KIF16B: variants seen among roughly 807,000 people sequenced by gnomAD.
KIF16B encodes the protein kinesin family member 16B, also known as kinesin-like protein KIF16B.
A neutral mutation model predicts 156.3 loss-of-function variants in KIF16B; 98 were observed. The observed-to-expected ratio is 0.63, with a 90% CI of 0.53 to 0.74. The LOEUF (loss-of-function observed/expected upper bound fraction) is 0.74. Ranked by LOEUF, KIF16B falls within the 30% of genes least tolerant of loss-of-function variation. KIF16B has a pLI of 0.00. For missense variants in KIF16B, 1,421 were observed against 1,606.5 expected, an observed-to-expected ratio of 0.88 and a Z score of 1.97; for synonymous variants, 564 against 583.7, an observed-to-expected ratio of 0.97 and a Z score of 0.49.
chr20:16,405,967 G>A (rs1485283091), intron 16 of KIF16B, among the ~76,000 whole-genome samples: 1 of 151,958 alleles, frequency 6.6e-6, no homozygotes, highest in African/African-American at 2.4e-5. Flanking sequence ...ACCCACCCCT[G>A]CTCTCGCTTC....
intron 1 of KIF16B, among the ~76,000 whole-genome samples, chr20:16,551,132 C>CTTT (rs11474777): frequency 0.014 from 1,978 of 139,092 alleles, 53 homozygotes; most frequent in African/African-American, 0.043. Context: ...GCTTTCTCTT[C>CTTT]TTTTTTTTTT....
intron 11 of KIF16B, among the ~76,000 whole-genome samples, chr20:16,497,406 A>C (rs1246546522): frequency 1.3e-5 from 2 of 152,238 alleles, no homozygotes; most frequent in Admixed American, 1.3e-4. Flanking sequence ...TGTGCCAGAC[A>C]AATCCCGTTT....
intron 22 of KIF16B, chr20:16,368,119 GA>G: frequency 1.6e-6 from 2 of 1,233,424 alleles, no homozygotes; most frequent in Non-Finnish European, 2.0e-6. Context: ...TTCTGGTAGA[GA>G]ACAAGTCACA....
At chr20:16,324,866 C>T (rs2063820932) in intron 24 of KIF16B, among the ~76,000 whole-genome samples, 1 of 151,914 alleles carries the variant, frequency 6.6e-6, no homozygotes, top group Non-Finnish European at 1.5e-5. Context: ...AACTACAGGC[C>T]AATATCCCTG....
intron 22 of KIF16B, among the ~76,000 whole-genome samples, chr20:16,357,957 AG>A (rs2064476728): frequency 6.6e-6 from 1 of 152,218 alleles, no homozygotes; most frequent in African/African-American, 2.4e-5. Flanking sequence ...TGGGAGGCCA[AG>A]GCAGGTTGAT....
In KIF16B at chr20:16,557,085, A is replaced by T. The variant is rs564062257; in HGVS notation, c.47+16144T>A. Among the ~76,000 whole-genome samples, 41 of 149,406 alleles carry T rather than the reference A, an allele frequency of 2.7e-4. No homozygotes were observed. In the East Asian group the frequency reaches 6.6e-3, roughly 24 times the overall value. ...ATGAAAAATGTAAAATATCTCATTA[A>T]TACTATATATAGTATTAATATTAAT... On this transcript the variant is annotated intron_variant, in intron 1 of 25. Transcript: ENST00000354981.
chr20:16,538,555 A>G (rs1410620723), intron 1 of KIF16B, among the ~76,000 whole-genome samples: 2 of 152,252 alleles, frequency 1.3e-5, no homozygotes, highest in East Asian at 3.9e-4. Flanking sequence ...CTACAAATGA[A>G]CCAGCTGGAG....
At chr20:16,359,899 T>C (rs759665920) in intron 22 of KIF16B, among the ~76,000 whole-genome samples, 1 of 152,142 alleles carries the variant, frequency 6.6e-6, no homozygotes, top group Non-Finnish European at 1.5e-5. Flanking sequence ...AGAAGAAAGA[T>C]ATTTCTCTCT....
At chr20:16,555,361 A>G (rs1220112537) in intron 1 of KIF16B, among the ~76,000 whole-genome samples, 3 of 152,224 alleles carry the variant, frequency 2.0e-5, no homozygotes, top group African/African-American at 2.4e-5. Context: ...GCAGGTGGTT[A>G]GTGGCAATGG....
At chr20:16,342,896 C>A (rs549484652) in intron 23 of KIF16B, among the ~76,000 whole-genome samples, 1 of 152,318 alleles carries the variant, frequency 6.6e-6, no homozygotes, top group African/African-American at 2.4e-5. Context: ...AATGGAAAGA[C>A]TCCATGCCCA....
intron 22 of KIF16B, among the ~76,000 whole-genome samples, chr20:16,369,776 A>G (rs1485944725): frequency 6.6e-6 from 1 of 152,230 alleles, no homozygotes. Flanking sequence ...ATGAACATTA[A>G]CAGTAATTAT....
At chr20:16,474,633 C>A (rs2146786514) in intron 12 of KIF16B, among the ~76,000 whole-genome samples, 1 of 152,330 alleles carries the variant, frequency 6.6e-6, no homozygotes, top group South Asian at 2.1e-4. Flanking sequence ...CTAACATATA[C>A]TCCTTTGCCC....
intron 10 of KIF16B, among the ~76,000 whole-genome samples, chr20:16,503,281 T>C (rs2068677058): frequency 6.6e-6 from 1 of 152,188 alleles, no homozygotes; most frequent in South Asian, 2.1e-4. Context: ...TGGTTCATGT[T>C]ATAAGGGCCT....
intron 17 of KIF16B, 31 bp from the exon 18 acceptor site, chr20:16,381,778 T>G (rs2065103149): frequency 6.4e-7 from 1 of 1,570,572 alleles, no homozygotes; most frequent in Non-Finnish European, 8.7e-7. Context: ...TGAGTCACTT[T>G]TCTAAAGAGC....
chr20:16,347,122 C>T (rs943242864), intron 23 of KIF16B, among the ~76,000 whole-genome samples: 4 of 152,054 alleles, frequency 2.6e-5, no homozygotes, highest in African/African-American at 4.8e-5. Context: ...AAAAAAAATG[C>T]GAAGAGACTA....
chr20:16,522,883 T>C (rs6044067), intron 3 of KIF16B, among the ~76,000 whole-genome samples: 36,224 of 151,824 alleles, frequency 0.24, 4,933 homozygotes, highest in East Asian at 0.35. Flanking sequence ...AACCGCACAA[T>C]CACATGGAAA....
intron 1 of KIF16B, among the ~76,000 whole-genome samples, chr20:16,561,464 G>GA (rs1409895341): frequency 2.6e-5 from 4 of 151,104 alleles, no homozygotes; most frequent in South Asian, 2.1e-4. Flanking sequence ...AAGTCAGTGG[G>GA]AAAAAAAAAG....
At chr20:16,452,576 C>T (rs939194737) in intron 12 of KIF16B, among the ~76,000 whole-genome samples, 2 of 151,986 alleles carry the variant, frequency 1.3e-5, no homozygotes, top group African/African-American at 2.4e-5. Context: ...TGGCTCACGC[C>T]TGTAATCCCA....
At chr20:16,544,831 G>A (rs975938032) in intron 1 of KIF16B, among the ~76,000 whole-genome samples, 2 of 151,850 alleles carry the variant, frequency 1.3e-5, no homozygotes, top group African/African-American at 4.8e-5. Flanking sequence ...ACCTAGCACT[G>A]TCCTCATATA....
Sources: allele counts gnomAD v4.1 joint callset (sites outside exome capture counted in the v4.1 genomes callset), GRCh38; gene constraint gnomAD v4.1.1; transcripts MANE v1.5; gene names NCBI Gene and HGNC (gene_info 2026-07-23, HGNC 2026-07-21).